Variants in SLC2A13 observed in about 807,000 individuals in gnomAD.
SLC2A13 encodes proton myo-inositol cotransporter.
A neutral mutation model predicts 64.4 loss-of-function variants in SLC2A13; 32 were observed. The ratio of observed to expected loss-of-function variants is 0.50; its 90% confidence interval spans 0.37 to 0.67. The LOEUF (loss-of-function observed/expected upper bound fraction) is 0.67. Ranked by LOEUF, SLC2A13 falls within the 30% of genes least tolerant of loss-of-function variation. The pLI is 0.00. For missense variants in SLC2A13, 743 were observed against 829.2 expected (o/e 0.90, Z 1.28); for synonymous variants, 338 against 327.1 (o/e 1.03, Z -0.36).
At chr12:39,770,958 G>C (rs1306221043) in intron 7 of SLC2A13, among the ~76,000 whole-genome samples, 3 of 152,284 alleles carry the variant, frequency 2.0e-5, no homozygotes, top group African/African-American at 7.2e-5. Context: ...TCTCAAAGCT[G>C]TGTCATCATC....
At chr12:40,066,696 G>A (rs779202654) in intron 1 of SLC2A13, among the ~76,000 whole-genome samples, 1 of 152,126 alleles carries the variant, frequency 6.6e-6, no homozygotes, top group African/African-American at 2.4e-5. Context: ...GTACTCCTAT[G>A]GATAAGAAAG....
At chr12:40,070,666 C>T (rs762955003) in intron 1 of SLC2A13, among the ~76,000 whole-genome samples, 1 of 152,178 alleles carries the variant, frequency 6.6e-6, no homozygotes, top group African/African-American at 2.4e-5. Flanking sequence ...CAACAAGATC[C>T]TTTTTGAACA....
intron 1 of SLC2A13, among the ~76,000 whole-genome samples, chr12:40,083,677 G>A (rs560720715): frequency 6.6e-6 from 1 of 152,326 alleles, no homozygotes; most frequent in East Asian, 1.9e-4. Context: ...CTTCTGACTA[G>A]AAGGAGGGGG....
At chr12:39,840,322 G>T (rs1051641500) in intron 6 of SLC2A13, among the ~76,000 whole-genome samples, 3 of 151,944 alleles carry the variant, frequency 2.0e-5, no homozygotes, top group Non-Finnish European at 4.4e-5. Context: ...TTCTAAAGGG[G>T]CCTGCTTCTA....
intron 1 of SLC2A13, among the ~76,000 whole-genome samples, chr12:40,062,042 T>G (rs1948432022): frequency 6.6e-6 from 1 of 152,036 alleles, no homozygotes; most frequent in African/African-American, 2.4e-5. Flanking sequence ...GAACAGCTAC[T>G]GTAGATCAGG....
At chr12:39,974,042 T>A (rs1276624123) in intron 3 of SLC2A13, among the ~76,000 whole-genome samples, 1 of 152,248 alleles carries the variant, frequency 6.6e-6, no homozygotes, top group Non-Finnish European at 1.5e-5. Context: ...AGTTCTACCC[T>A]ACCAACCCTA....
rs759358485 is a variant in SLC2A13 at position 40,028,449 on chromosome 12, C to A, written c.777G>T (p.Leu259Phe). Residue 259 changes from leucine (L) to phenylalanine (F), a missense_variant, in exon 3 of 10, where the codon TTG becomes TTT. Leu to Phe is a conservative substitution (Grantham distance 22). This residue lies in a region of SLC2A13 where 448 missense variants were observed against 447.4 expected (regional missense o/e 1.00). Coordinates refer to ENST00000280871, the MANE Select transcript of SLC2A13 (RefSeq NM_052885.4). Reference sequence around the variant, plus strand: ...GAATAAGCCATCGAGGGCTTTCAGGCAAAAAGAGAAAGCCAAAAAACTGTA... The same window carrying A: ...GAATAAGCCATCGAGGGCTTTCAGGAAAAAAGAGAAAGCCAAAAAACTGTA... ...AVIQFFGFLFLPESPRWLIQK... is the reference protein window; with the variant it reads ...AVIQFFGFLFFPESPRWLIQK... The A allele has an allele frequency of 5.6e-6, 9 of 1,613,616 alleles. No individual in the cohort carries two copies. The African/African-American group carries it at 1.2e-4, about 22-fold the overall frequency.
rs1445291789 is a variant in SLC2A13 at position 39,994,487 on chromosome 12, G to A, written c.925+33814C>T. Among the ~76,000 whole-genome samples the A allele has an allele frequency of 2.0e-5, 3 of 149,472 alleles. No individual in the cohort carries two copies. The East Asian group carries it at 5.8e-4, about 29-fold the overall frequency. On this transcript the variant is annotated intron_variant, in intron 3 of 9. Transcript: ENST00000280871. ...CATATACATAAAAGATAGAAAAAGG[G>A]AAAAAAAAACATACCCATATCACTA... is the stretch of plus-strand genomic sequence containing the variant.
chr12:39,868,712 C>T (rs1043930548), intron 5 of SLC2A13, among the ~76,000 whole-genome samples: 4 of 152,276 alleles, frequency 2.6e-5, no homozygotes, highest in East Asian at 1.9e-4. Flanking sequence ...AGATCCAAAT[C>T]TTCCAATATT....
At chr12:40,087,374 C>T (rs2136292290) in intron 1 of SLC2A13, among the ~76,000 whole-genome samples, 1 of 152,266 alleles carries the variant, frequency 6.6e-6, no homozygotes, top group South Asian at 2.1e-4. Flanking sequence ...GTGTTTCTTC[C>T]ATTCATCAGT....
chr12:39,759,089 T>G lies in SLC2A13; in HGVS notation c.*937A>C, dbSNP rs1940046485. 1 of 152,388 alleles carries G rather than the reference T, an allele frequency of 6.6e-6. No homozygotes were observed. The highest frequency in any genetic ancestry group is 2.4e-5 in the African/African-American group (1 of 41,390). The allele number at this position is 152,388 out of a possible 1,614,324, so 9.4% of individuals were successfully genotyped here. A position where few individuals can be genotyped will look rare whatever the true frequency, so the allele number is the denominator to read the frequency against. Reference sequence around the variant, plus strand: ...CTTGCAGCTATGTATGTAACACAAATGAAGGCACGAAATAGTAGGACTCCA... The same window carrying G: ...CTTGCAGCTATGTATGTAACACAAAGGAAGGCACGAAATAGTAGGACTCCA... On this transcript the variant is annotated 3_prime_UTR_variant, in exon 10 of 10. Coordinates refer to ENST00000280871, the MANE Select transcript of SLC2A13 (RefSeq NM_052885.4).
At chr12:40,018,605 T>C (rs1947658671) in intron 3 of SLC2A13, among the ~76,000 whole-genome samples, 1 of 152,204 alleles carries the variant, frequency 6.6e-6, no homozygotes, top group Non-Finnish European at 1.5e-5. Context: ...AACAATAAAT[T>C]GTCTTAAATT....
At chr12:40,047,968 T>C (rs1205253387) in intron 2 of SLC2A13, 83 bp downstream of exon 2, 5 of 1,309,410 alleles carry the variant, frequency 3.8e-6, no homozygotes, top group Non-Finnish European at 4.2e-6. Flanking sequence ...CACACAGCTA[T>C]ATTTTGACTA....
At chr12:39,783,572 G>A (rs1941076070) in intron 7 of SLC2A13, among the ~76,000 whole-genome samples, 1 of 152,188 alleles carries the variant, frequency 6.6e-6, no homozygotes, top group East Asian at 1.9e-4. Context: ...TCTAACTGGT[G>A]AGAGATGGTA....
Position 39,903,942 on chromosome 12 carries a change from CAA to C in SLC2A13, c.1035-31983_1035-31982del, listed in dbSNP as rs569476454. 2.6e-5 allele frequency among the ~76,000 whole-genome samples: 4 copies of C among 152,146 alleles called. No homozygotes were observed. The East Asian group carries it at 7.7e-4, about 29-fold the overall frequency. ...GGAGTCTCATATTTGGACTAAAGAA[CAA>C]CAGACAGGATACTGCTATTTATCAG... On this transcript the variant is annotated intron_variant, in intron 4 of 9. Coordinates refer to ENST00000280871, the MANE Select transcript of SLC2A13 (RefSeq NM_052885.4).
chr12:39,945,292 C>G (rs1946114777), intron 4 of SLC2A13, among the ~76,000 whole-genome samples: 1 of 152,064 alleles, frequency 6.6e-6, no homozygotes, highest in Non-Finnish European at 1.5e-5. Context: ...TCTTAAGATT[C>G]TTTCCTTCAT....
intron 4 of SLC2A13, among the ~76,000 whole-genome samples, chr12:39,904,909 A>G (rs1038691766): frequency 6.6e-6 from 1 of 152,098 alleles, no homozygotes; most frequent in Non-Finnish European, 1.5e-5. Flanking sequence ...GCTCCCTTGA[A>G]CATGGTACAT....
intron 7 of SLC2A13, among the ~76,000 whole-genome samples, chr12:39,817,655 AACT>A (rs1291028062): frequency 3.3e-5 from 5 of 152,218 alleles, no homozygotes; most frequent in African/African-American, 9.7e-5. Flanking sequence ...CATAAAATGT[AACT>A]ACTATTTCAG....
chr12:39,957,722 T>A (rs911018520), intron 3 of SLC2A13, among the ~76,000 whole-genome samples: 1 of 152,236 alleles, frequency 6.6e-6, no homozygotes, highest in Non-Finnish European at 1.5e-5. Flanking sequence ...CTCCCAATCA[T>A]GTTCTCACAA....
Sources: gnomAD v4.1 joint callset for allele counts (sites outside exome capture counted in the v4.1 genomes callset) on GRCh38, gnomAD v4.1.1 for gene constraint, gnomAD v4.1.1 regional missense constraint, MANE v1.5 for transcripts, NCBI Gene and HGNC (gene_info 2026-07-23, HGNC 2026-07-21) for gene names.